Variants in EXT1 observed in about 807,000 individuals in gnomAD.
The protein encoded by EXT1 is exostosin-1.
A neutral mutation model predicts 82.5 loss-of-function variants in EXT1; 20 were observed. The ratio of observed to expected loss-of-function variants is 0.24; its 90% CI spans 0.17 to 0.35. The LOEUF (loss-of-function observed/expected upper bound fraction) is 0.35. Among genes scored for constraint, EXT1 ranks in the 10% least tolerant of loss-of-function variants. EXT1 has a pLI of 1.00. For missense variants in EXT1, 757 were observed against 936.5 expected, an observed-to-expected ratio of 0.81 and a Z score of 2.50; for synonymous variants, 348 against 350.8, an observed-to-expected ratio of 0.99 and a Z score of 0.09.
intron 1 of EXT1, among the ~76,000 whole-genome samples, chr8:117,919,566 G>A (rs916649742): frequency 6.7e-6 from 1 of 150,298 alleles, no homozygotes. Flanking sequence ...GTGCAGTGGT[G>A]CAAACACGGC....
chr8:117,958,390 TC>T (rs935428037), intron 1 of EXT1, among the ~76,000 whole-genome samples: 1 of 152,162 alleles, frequency 6.6e-6, no homozygotes, highest in Non-Finnish European at 1.5e-5. Flanking sequence ...GACCTTGACT[TC>T]CCGAAAGAGC....
chr8:117,914,438 C>T (rs1215641848), intron 1 of EXT1, among the ~76,000 whole-genome samples: 1 of 152,092 alleles, frequency 6.6e-6, no homozygotes. Context: ...TTTTAGGGAA[C>T]AAGGGAAGAC....
chr8:117,986,398 C>A (rs773031066), intron 1 of EXT1, among the ~76,000 whole-genome samples: 21 of 152,064 alleles, frequency 1.4e-4, no homozygotes, highest in Admixed American at 7.2e-4. Context: ...ACATGTTGAC[C>A]AACTGAGGAG....
intron 1 of EXT1, among the ~76,000 whole-genome samples, chr8:117,986,314 C>T (rs769388167): frequency 2.6e-5 from 4 of 151,912 alleles, no homozygotes; most frequent in Non-Finnish European, 5.9e-5. Flanking sequence ...CTCAGCCTCC[C>T]GAGTAGCTGG....
intron 1 of EXT1, among the ~76,000 whole-genome samples, chr8:117,965,174 C>T (rs1406676464): frequency 6.6e-6 from 1 of 151,876 alleles, no homozygotes; most frequent in East Asian, 1.9e-4. Flanking sequence ...ACACAACCAG[C>T]GTATCCTCTG....
chr8:117,995,671 T>C (rs1394255641), intron 1 of EXT1, among the ~76,000 whole-genome samples: 4 of 152,168 alleles, frequency 2.6e-5, no homozygotes, highest in Non-Finnish European at 5.9e-5. Context: ...AACTCCTTAG[T>C]TTACTGCAAA....
At chr8:118,065,100 G>A (rs1043206406) in intron 1 of EXT1, among the ~76,000 whole-genome samples, 1 of 151,924 alleles carries the variant, frequency 6.6e-6, no homozygotes. Flanking sequence ...TGATCCACCC[G>A]CCTCAGCCTC....
At chr8:117,984,460 AAC>A (rs1439167840) in intron 1 of EXT1, among the ~76,000 whole-genome samples, 2 of 151,474 alleles carry the variant, frequency 1.3e-5, no homozygotes, top group Non-Finnish European at 2.9e-5. Context: ...AAAAAAAAAA[AAC>A]AAAGAAAAGA....
rs1817908487 is a variant in EXT1 at position 118,111,719 on chromosome 8, G to A, written c.-673C>T. 1 of 148,088 alleles carries A rather than the reference G, an allele frequency of 6.8e-6. No individual in the cohort carries two copies. Among genetic ancestry groups the A allele is most frequent in the Non-Finnish European group, 1.5e-5 (1 of 66,454 alleles). 9.2% of individuals were successfully genotyped at this position (148,088 alleles called of 1,614,324 possible). On this transcript the variant is annotated 5_prime_UTR_variant, in exon 1 of 11. Coordinates refer to ENST00000378204, the MANE Select transcript of EXT1 (RefSeq NM_000127.3). ...TGGAGGCGGCGGCGGCGGCGGCGCT[G>A]GGTGGCGGCGGCGGCGCGTCCTCCC...
intron 1 of EXT1, among the ~76,000 whole-genome samples, chr8:117,963,467 TGTG>T (rs1268505055): frequency 2.0e-5 from 3 of 152,070 alleles, no homozygotes; most frequent in Admixed American, 6.6e-5. Context: ...CGAGTTTTGT[TGTG>T]GTGGTGGTGG....
intron 1 of EXT1, among the ~76,000 whole-genome samples, chr8:118,076,287 G>A (rs925025487): frequency 5.9e-5 from 9 of 152,222 alleles, no homozygotes; most frequent in Non-Finnish European, 1.3e-4. Context: ...AGTAGGAAAA[G>A]GGGATTGTGT....
rs370354302 is a variant in EXT1 at position 117,893,460 on chromosome 8, C to T, written c.963-56259G>A. 4.6e-5 allele frequency among the ~76,000 whole-genome samples: 7 copies of T among 152,052 alleles called. No homozygotes were observed. In the East Asian group the frequency reaches 7.7e-4, roughly 17 times the overall value. On this transcript the variant is annotated intron_variant, in intron 1 of 10. Transcript: ENST00000378204. Reference sequence around the variant, plus strand: ...TGGAAAGCTTACAGGGAGAATGGCACGAAGAAACAAAAGGCCTTTGGAAAC... The same window carrying T: ...TGGAAAGCTTACAGGGAGAATGGCATGAAGAAACAAAAGGCCTTTGGAAAC...
At chr8:117,997,226 G>A (rs371618484) in intron 1 of EXT1, among the ~76,000 whole-genome samples, 43 of 148,134 alleles carry the variant, frequency 2.9e-4, no homozygotes, top group African/African-American at 9.0e-4. Context: ...GCCCTTCCCC[G>A]TATGGTATAG....
intron 1 of EXT1, among the ~76,000 whole-genome samples, chr8:118,065,913 G>A (rs1275352498): frequency 6.6e-6 from 1 of 152,192 alleles, no homozygotes; most frequent in Non-Finnish European, 1.5e-5. Flanking sequence ...ATGGGACTGA[G>A]GTCTCTCAGT....
chr8:117,912,169 G>C (rs1267038027), intron 1 of EXT1, among the ~76,000 whole-genome samples: 1 of 152,170 alleles, frequency 6.6e-6, no homozygotes, highest in African/African-American at 2.4e-5. Context: ...GAGGGAGAGA[G>C]AGACCCAAAT....
intron 1 of EXT1, among the ~76,000 whole-genome samples, chr8:118,051,621 A>C (rs762149941): frequency 6.6e-6 from 1 of 152,090 alleles, no homozygotes; most frequent in Non-Finnish European, 1.5e-5. Flanking sequence ...TGTCAATGAC[A>C]GGCTGATTTA....
At chr8:117,936,308 T>A (rs1814161364) in intron 1 of EXT1, among the ~76,000 whole-genome samples, 1 of 152,206 alleles carries the variant, frequency 6.6e-6, no homozygotes, top group Admixed American at 6.5e-5. Context: ...ACTCCACTAG[T>A]CCACTGGAGA....
At chr8:118,074,412 T>G (rs1018693845) in intron 1 of EXT1, among the ~76,000 whole-genome samples, 1 of 152,048 alleles carries the variant, frequency 6.6e-6, no homozygotes, top group Admixed American at 6.5e-5. Context: ...TGTGCTCCCG[T>G]GAAGTTCAAA....
intron 1 of EXT1, among the ~76,000 whole-genome samples, chr8:118,023,026 TGTCATAAACCAA>T (rs1816139242): frequency 6.6e-6 from 1 of 152,198 alleles, no homozygotes; most frequent in South Asian, 2.1e-4. Context: ...TTCTGTCTGG[TGTCATAAACCAA>T]GTCATAAACC....
Sources: allele counts gnomAD v4.1 joint callset (sites outside exome capture counted in the v4.1 genomes callset), GRCh38; gene constraint gnomAD v4.1.1; transcripts MANE v1.5; gene names NCBI Gene and HGNC (gene_info 2026-07-23, HGNC 2026-07-21).